SLC4A5: variants seen among roughly 807,000 people sequenced by gnomAD.
The protein encoded by SLC4A5 is electrogenic sodium bicarbonate cotransporter 4.
In SLC4A5, 96 loss-of-function variants were observed where a neutral mutation model predicts 120.4. The ratio of observed to expected loss-of-function variants is 0.80; its 90% confidence interval spans 0.68 to 0.94. The LOEUF (loss-of-function observed/expected upper bound fraction) is 0.94. Ranked by LOEUF, SLC4A5 falls within the 40% of genes least tolerant of loss-of-function variation. SLC4A5 has a pLI of 0.00. For synonymous variants in SLC4A5, 550 were observed against 571.1 expected, an observed-to-expected ratio of 0.96 and a Z score of 0.53; for missense variants, 1,259 against 1,459.5, an observed-to-expected ratio of 0.86 and a Z score of 2.24.
intron 7 of SLC4A5, among the ~76,000 whole-genome samples, chr2:74,302,342 C>A (rs761282675): frequency 3.3e-5 from 5 of 152,170 alleles, no homozygotes; most frequent in Non-Finnish European, 7.3e-5. Flanking sequence ...AAGGGCTGGA[C>A]GTGGTGGCTC....
At chr2:74,300,577 G>A (rs1220338050) in intron 7 of SLC4A5, among the ~76,000 whole-genome samples, 1 of 152,080 alleles carries the variant, frequency 6.6e-6, no homozygotes, top group Admixed American at 6.6e-5. Context: ...CTCATGACAG[G>A]TGTCACCTGC....
intron 4 of SLC4A5, among the ~76,000 whole-genome samples, chr2:74,329,633 G>A (rs1004095773): frequency 1.1e-5 from 1 of 88,598 alleles, no homozygotes; most frequent in Admixed American, 1.2e-4. Context: ...AGGTGTAGAT[G>A]GAGGTGGTGT....
intron 13 of SLC4A5, 53 bp from the exon 14 acceptor site, chr2:74,254,759 A>C: frequency 7.6e-7 from 1 of 1,319,972 alleles, no homozygotes; most frequent in Non-Finnish European, 1.1e-6. Context: ...AGGAGCATGA[A>C]AGTGAGAAGG....
At chr2:74,227,933 C>A (rs1694909311) in intron 25 of SLC4A5, 55 bp from the exon 26 acceptor site, 6 of 1,408,602 alleles carry the variant, frequency 4.3e-6, no homozygotes, top group Admixed American at 2.5e-5. Context: ...CCCTTGGCCA[C>A]CCTGTTCTGG....
chr2:74,263,551 C>T (rs1671207571), intron 10 of SLC4A5, among the ~76,000 whole-genome samples: 1 of 152,134 alleles, frequency 6.6e-6, no homozygotes, highest in African/African-American at 2.4e-5. Context: ...GAGATGTGTA[C>T]ATGCAACAAG....
chr2:74,258,731 A>G (rs1400425814), intron 12 of SLC4A5, among the ~76,000 whole-genome samples: 2 of 152,240 alleles, frequency 1.3e-5, no homozygotes, highest in Non-Finnish European at 2.9e-5. Context: ...AATGCCTGGC[A>G]CAGTGTAGTG....
chr2:74,330,250 T>G (rs1351332372), intron 4 of SLC4A5, among the ~76,000 whole-genome samples: 93 of 130,970 alleles, frequency 7.1e-4, no homozygotes, highest in Middle Eastern at 5.0e-3. Flanking sequence ...GTGATGGTGA[T>G]GTCTAGATGG....
chr2:74,335,452 C>T (rs1265512652), intron 3 of SLC4A5, among the ~76,000 whole-genome samples: 5 of 152,184 alleles, frequency 3.3e-5, no homozygotes. Context: ...TTCCCCTCTC[C>T]CCAGGCTGTA....
Position 74,337,025 on chromosome 2 carries a change from C to T in SLC4A5, c.-221+1830G>A, listed in dbSNP as rs915596900. 2.6e-5 allele frequency among the ~76,000 whole-genome samples: 4 copies of T among 152,190 alleles called. No homozygotes were observed. The South Asian group carries it at 8.3e-4, about 31-fold the overall frequency. On this transcript the variant is annotated intron_variant, in intron 3 of 30. Coordinates refer to ENST00000394019, the Ensembl canonical transcript of SLC4A5. ...TGGTCATGAGAAAGATCAAGGCATTCCCTGCCCCTCACTCATATCCAAGAA... is the reference window on the plus strand; with the variant it reads ...TGGTCATGAGAAAGATCAAGGCATTTCCTGCCCCTCACTCATATCCAAGAA...
At chr2:74,294,136 G>T (rs889188288) in intron 7 of SLC4A5, among the ~76,000 whole-genome samples, 2 of 152,196 alleles carry the variant, frequency 1.3e-5, no homozygotes, top group African/African-American at 4.8e-5. Flanking sequence ...GAAGGCCTAA[G>T]TATGTTGGGG....
exon 19 of SLC4A5, chr2:74,247,191 A>C (rs1176992184): frequency 6.2e-7 from 1 of 1,614,072 alleles, no homozygotes; most frequent in Non-Finnish European, 8.5e-7. Flanking sequence ...CTCCTCGGTG[A>C]AGCGGGTGAT....
chr2:74,247,518 CTT>C (rs754476071), intron 18 of SLC4A5, among the ~76,000 whole-genome samples: 4 of 145,192 alleles, frequency 2.8e-5, no homozygotes, highest in Admixed American at 6.9e-5. Context: ...TTTATAAGAA[CTT>C]TTTTTTTTTT....
rs1694779573 is a variant in SLC4A5, at chr2:74,224,696, C to A, written c.3246+144G>T. 7.8e-6 allele frequency: 9 copies of A among 1,154,964 alleles called. 1 individual carries two copies. In the East Asian group the frequency reaches 1.4e-4, roughly 18 times the overall value. The allele number at this position is 1,154,964 out of a possible 1,614,324, so 71.5% of individuals were successfully genotyped here. On this transcript the variant is annotated intron_variant, in intron 28 of 30. Coordinates refer to ENST00000394019, the Ensembl canonical transcript of SLC4A5. ...GAGCCCTCAACACCCCAGACCAAGA[C>A]AAGCAGATGCCCCAGCCCATCCTGG...
At chr2:74,248,633 A>G in intron 17 of SLC4A5, 147 bp from the exon 18 acceptor site, 3 of 906,006 alleles carry the variant, frequency 3.3e-6, no homozygotes, top group Non-Finnish European at 4.9e-6. Context: ...CCTGTTCTCC[A>G]TCTCCTACAC....
At chr2:74,257,678 C>T (rs1015105474) in intron 12 of SLC4A5, among the ~76,000 whole-genome samples, 60 of 151,898 alleles carry the variant, frequency 4.0e-4, no homozygotes, top group African/African-American at 1.4e-3. Context: ...CTCCTGGGTT[C>T]AAGCAGTTCT....
intron 8 of SLC4A5, among the ~76,000 whole-genome samples, chr2:74,269,412 T>C (rs1312495337): frequency 6.6e-6 from 1 of 152,012 alleles, no homozygotes; most frequent in Non-Finnish European, 1.5e-5. Context: ...GTTTGTTTTT[T>C]AGTAGAGACA....
rs556853808 is a variant in SLC4A5, at chr2:74,223,794, T to C, written c.3247-842A>G. Among the ~76,000 whole-genome samples the C allele has an allele frequency of 3.4e-3, 512 of 152,350 alleles. 4 individuals are homozygous for C. Among genetic ancestry groups the C allele is most frequent in the African/African-American group, 0.012 (489 of 41,582 alleles). ...AAATCATCTACAAACACATGCATTA[T>C]GGGACTCTTCCTGGAAGAGCACAGT... On this transcript the variant is annotated intron_variant, in intron 28 of 30. Coordinates refer to ENST00000394019, the Ensembl canonical transcript of SLC4A5.
At chr2:74,266,970 GAATT>G (rs1366035425) in intron 8 of SLC4A5, among the ~76,000 whole-genome samples, 1 of 152,138 alleles carries the variant, frequency 6.6e-6, no homozygotes, top group Non-Finnish European at 1.5e-5. Flanking sequence ...ATGCTCCTTT[GAATT>G]AATAAGAAAT....
rs564269446 is a variant in SLC4A5 at position 74,252,109 on chromosome 2, C to T, written c.1478+70G>A. 5.4e-4 allele frequency: 821 copies of T among 1,530,954 alleles called. 5 individuals carry two copies. The highest frequency in any genetic ancestry group is 2.9e-3 in the South Asian group (240 of 83,132). The allele number at this position is 1,530,954 out of a possible 1,614,324, so 94.8% of individuals were successfully genotyped here. On this transcript the variant is annotated intron_variant, in intron 16 of 30. Transcript: ENST00000394019. ...ACTACAGACCATGGTTGGGAAAAGT[C>T]CCTAGAGGGCAGCTGAGAAGGGAGA...
Sources: allele counts gnomAD v4.1 joint callset (sites outside exome capture counted in the v4.1 genomes callset), GRCh38; gene constraint gnomAD v4.1.1; transcripts MANE v1.5; gene names NCBI Gene and HGNC (gene_info 2026-07-23, HGNC 2026-07-21).